Variants in GRIN2B observed in about 807,000 individuals in gnomAD.
GRIN2B encodes the protein glutamate ionotropic receptor NMDA type subunit 2B, also known as glutamate receptor ionotropic, NMDA 2B.
Under a neutral mutation model 114.5 loss-of-function variants are expected in GRIN2B, and 5 were observed. That is an observed-to-expected ratio of 0.04 (90% CI 0.02 to 0.09). The LOEUF (loss-of-function observed/expected upper bound fraction) is 0.09. Among genes scored for constraint, GRIN2B ranks in the 10% least tolerant of loss-of-function variants. GRIN2B has a pLI of 1.00. For synonymous variants in GRIN2B, 787 were observed against 745.1 expected, an observed-to-expected ratio of 1.06 and a Z score of -0.92; for missense variants, 1,108 against 1,943.5, an observed-to-expected ratio of 0.57 and a Z score of 8.08.
At chr12:13,768,574 G>A (rs139361436) in intron 3 of GRIN2B, among the ~76,000 whole-genome samples, 1 of 152,328 alleles carries the variant, frequency 6.6e-6, no homozygotes, top group Non-Finnish European at 1.5e-5. Flanking sequence ...CCTTGAGGAA[G>A]ACCCAGTAGG....
chr12:13,787,743 T>C (rs1434843777), intron 3 of GRIN2B, among the ~76,000 whole-genome samples: 1 of 152,230 alleles, frequency 6.6e-6, no homozygotes, highest in Non-Finnish European at 1.5e-5. Context: ...GGGAGCCATC[T>C]TTCATGGAAC....
At chr12:13,646,258 T>C (rs1393275524) in intron 5 of GRIN2B, among the ~76,000 whole-genome samples, 2 of 152,186 alleles carry the variant, frequency 1.3e-5, no homozygotes, top group Non-Finnish European at 2.9e-5. Flanking sequence ...AGCTTTTCTT[T>C]TATTACCCAT....
intron 3 of GRIN2B, among the ~76,000 whole-genome samples, chr12:13,825,532 G>GTGTGTGTGTGTGTA (rs1379949248): frequency 6.8e-6 from 1 of 147,626 alleles, no homozygotes; most frequent in African/African-American, 2.5e-5. Flanking sequence ...GTGTGTGTGT[G>GTGTGTGTGTGTGTA]TATGATGGAG....
intron 4 of GRIN2B, among the ~76,000 whole-genome samples, chr12:13,744,949 T>C (rs576577789): frequency 6.6e-6 from 1 of 152,240 alleles, no homozygotes; most frequent in Admixed American, 6.5e-5. Context: ...TCAGTAGTCA[T>C]CCTAAATGCC....
rs1565473695 is a variant in GRIN2B, at chr12:13,607,358, T to TATTATATATTATATATTATATATAA, written c.2010+1244_2010+1245insTTATATATAATATATAATATATAAT. On this transcript the variant is annotated intron_variant, in intron 10 of 13. Coordinates refer to ENST00000609686, the MANE Select transcript of GRIN2B (RefSeq NM_000834.5). ...TATTATATATAATATATAAAATATA[T>TATTATATATTATATATTATATATAA]AATATATATTATATATTATATATAT... is the stretch of plus-strand genomic sequence containing the variant. Among the ~76,000 whole-genome samples, 179 of 40,428 alleles carry TATTATATATTATATATTATATATAA rather than the reference T, an allele frequency of 4.4e-3. 6 individuals are homozygous for TATTATATATTATATATTATATATAA. The highest frequency in any genetic ancestry group is 5.3e-3 in the Non-Finnish European group (123 of 23,168). 26.5% of individuals were successfully genotyped at this position (40,428 alleles called of 152,430 possible). A position where few individuals can be genotyped will look rare whatever the true frequency, so the allele number is the denominator to read the frequency against.
In GRIN2B at chr12:13,609,772, C is replaced by CAA. The variant is rs35580358; in HGVS notation, c.1781-942_1781-941dup. Reference sequence around the variant, plus strand: ...TGGGCAACAGAGCAAGACTCTGTCTCAAAAAAAAAAAAAAAAGAATATCAG... The same window carrying CAA: ...TGGGCAACAGAGCAAGACTCTGTCTCAAAAAAAAAAAAAAAAAAGAATATCAG... On this transcript the variant is annotated intron_variant, in intron 9 of 13. Transcript: ENST00000609686. Among the ~76,000 whole-genome samples, 450 of 110,320 alleles carry CAA rather than the reference C, an allele frequency of 4.1e-3. 2 individuals carry two copies. Among genetic ancestry groups the CAA allele is most frequent in the African/African-American group, 0.014 (406 of 29,552 alleles). 72.4% of individuals were successfully genotyped at this position (110,320 alleles called of 152,430 possible).
At chr12:13,783,522 G>A (rs1864160716) in intron 3 of GRIN2B, among the ~76,000 whole-genome samples, 1 of 151,838 alleles carries the variant, frequency 6.6e-6, no homozygotes, top group Non-Finnish European at 1.5e-5. Context: ...GCAGAGTTAG[G>A]TGGGTGTTAA....
At chr12:13,687,926 T>C (rs1372935911) in intron 4 of GRIN2B, among the ~76,000 whole-genome samples, 1 of 152,212 alleles carries the variant, frequency 6.6e-6, no homozygotes, top group Non-Finnish European at 1.5e-5. Context: ...GTGAAGTTGC[T>C]TGGAAGTCTT....
intron 9 of GRIN2B, 42 bp from the exon 10 acceptor site, chr12:13,608,874 G>T: frequency 6.9e-7 from 1 of 1,455,766 alleles, no homozygotes; most frequent in Non-Finnish European, 9.6e-7. Context: ...AAGCCATTGT[G>T]GCTGGTTCTG....
rs371136453 is a variant in GRIN2B at position 13,885,676 on chromosome 12, AT to A, written c.-18-19451del. On this transcript the variant is annotated intron_variant, in intron 2 of 13. Coordinates refer to ENST00000609686, the MANE Select transcript of GRIN2B (RefSeq NM_000834.5). The stretch of plus-strand genomic sequence containing the variant: ...GGAGCGCTTAACAAGGCTTTTATGT[AT>A]TGGTTTAGGAATCTACCAAGCTTCC... Among the ~76,000 whole-genome samples the A allele has an allele frequency of 3.1e-3, 468 of 152,296 alleles. 3 individuals carry two copies. Among genetic ancestry groups the A allele is most frequent in the African/African-American group, 0.01 (427 of 41,574 alleles).
chr12:13,945,660 AT>A (rs1464432716), intron 2 of GRIN2B, among the ~76,000 whole-genome samples: 1 of 152,180 alleles, frequency 6.6e-6, no homozygotes, highest in East Asian at 1.9e-4. Flanking sequence ...GATGGGCTGT[AT>A]TAAGAGTCAA....
chr12:13,569,812 T>C lies in GRIN2B; in HGVS notation c.2359+18A>G, dbSNP rs770768186. The stretch of plus-strand genomic sequence containing the variant: ...ATCAGTAGAGGACAAATGGGCACTT[T>C]CCCTTTCTTGAACTCACCATCTCCA... On this transcript the variant is annotated intron_variant, in intron 12 of 13. Transcript: ENST00000609686. The C allele has an allele frequency of 6.5e-7, 1 of 1,543,162 alleles. No homozygotes were observed. Among genetic ancestry groups the C allele is most frequent in the Admixed American group, 1.8e-5 (1 of 55,198 alleles).
intron 10 of GRIN2B, among the ~76,000 whole-genome samples, chr12:13,584,323 T>A (rs1948889907): frequency 6.6e-6 from 1 of 152,228 alleles, no homozygotes; most frequent in Non-Finnish European, 1.5e-5. Flanking sequence ...CTCCTTAGAA[T>A]GTAATATAAT....
chr12:13,855,905 G>T (rs1003063094), intron 3 of GRIN2B, among the ~76,000 whole-genome samples: 8 of 152,138 alleles, frequency 5.3e-5, no homozygotes, highest in African/African-American at 1.9e-4. Context: ...ATCAAAGTTA[G>T]CTGTCACTAT....
chr12:13,913,117 C>CA (rs1370634386), intron 2 of GRIN2B, among the ~76,000 whole-genome samples: 1 of 152,198 alleles, frequency 6.6e-6, no homozygotes, highest in Admixed American at 6.5e-5. Context: ...GATAGAAACT[C>CA]AATGCCCAGA....
chr12:13,938,699 A>C (rs219903), intron 2 of GRIN2B, among the ~76,000 whole-genome samples: 129,373 of 152,110 alleles, frequency 0.85, 55,217 homozygotes, highest in East Asian at 0.99. Context: ...GGATACAGAT[A>C]AGAGTGATAG....
intron 5 of GRIN2B, among the ~76,000 whole-genome samples, chr12:13,622,909 T>C (rs1393650295): frequency 6.6e-6 from 1 of 152,214 alleles, no homozygotes; most frequent in East Asian, 1.9e-4. Context: ...AGATTAAGTT[T>C]CCAACTTAAT....
At chr12:13,607,392 TTATATATAATATATAA>T (rs1949290481) in intron 10 of GRIN2B, among the ~76,000 whole-genome samples, 1 of 69,506 alleles carries the variant, frequency 1.4e-5, no homozygotes, top group African/African-American at 6.7e-5. Flanking sequence ...ATAATATATA[TTATATATAATATATAA>T]AATATATAAT....
intron 2 of GRIN2B, among the ~76,000 whole-genome samples, chr12:13,961,521 T>C (rs1591642773): frequency 6.6e-6 from 1 of 152,232 alleles, no homozygotes; most frequent in African/African-American, 2.4e-5. Flanking sequence ...ATTTAGTGTA[T>C]ATTTTGAAAT....
Sources: allele counts gnomAD v4.1 joint callset (sites outside exome capture counted in the v4.1 genomes callset), GRCh38; gene constraint gnomAD v4.1.1; transcripts MANE v1.5; gene names NCBI Gene and HGNC (gene_info 2026-07-23, HGNC 2026-07-21).